The following TBC1D23 variants were observed in gnomAD, a reference collection of about 807,000 sequenced individuals.
TBC1D23 encodes the protein HCV non-structural protein 4A-transactivated protein 1.
TBC1D23 carries 55 observed loss-of-function variants against 91.4 expected under a neutral mutation model. The observed-to-expected ratio is 0.60, with a 90% CI of 0.48 to 0.75. The LOEUF (loss-of-function observed/expected upper bound fraction) is 0.75, where lower values mean the gene tolerates loss of function less well. Among genes scored for constraint, TBC1D23 ranks in the 30% least tolerant of loss-of-function variants. The probability of loss-of-function intolerance (pLI) is 0.00; values close to 1 mark genes in which losing one functional copy is unlikely to be tolerated. For missense variants in TBC1D23, 725 were observed against 836.1 expected (o/e 0.87, Z 1.64); for synonymous variants, 289 against 281.0 (o/e 1.03, Z -0.28).
chr3:100,294,791 A>G (rs1338844948), intron 5 of TBC1D23, among the ~76,000 whole-genome samples: 1 of 152,204 alleles, frequency 6.6e-6, no homozygotes, highest in Non-Finnish European at 1.5e-5. Flanking sequence ...TACTTTAGGT[A>G]TTCTTTTCAC....
intron 1 of TBC1D23, among the ~76,000 whole-genome samples, chr3:100,270,916 T>G (rs1576157777): frequency 6.6e-6 from 1 of 152,184 alleles, no homozygotes; most frequent in African/African-American, 2.4e-5. Flanking sequence ...ACTCTGCATT[T>G]AAGTGTAGAG....
rs1576193136 is a variant in TBC1D23, at chr3:100,325,106, C to T, written c.*1438C>T. 6.6e-6 allele frequency: 1 copy of T among 152,140 alleles called. No individual in the cohort carries two copies. The highest frequency in any genetic ancestry group is 2.4e-5 in the African/African-American group (1 of 41,432). The allele number at this position is 152,140 out of a possible 1,614,324, so 9.4% of individuals were successfully genotyped here. A position where few individuals can be genotyped will look rare whatever the true frequency, so the allele number is the denominator to read the frequency against. Reference sequence around the variant, plus strand: ...GCATTTTTTCCCTTTTCTTGGCACCCCTTTAGAAATGTACTGAAGTCTCAT... The same window carrying T: ...GCATTTTTTCCCTTTTCTTGGCACCTCTTTAGAAATGTACTGAAGTCTCAT... On this transcript the variant is annotated 3_prime_UTR_variant, in exon 19 of 19. Coordinates refer to ENST00000394144, the MANE Select transcript of TBC1D23 (RefSeq NM_001199198.3).
intron 16 of TBC1D23, among the ~76,000 whole-genome samples, chr3:100,316,556 T>C (rs542500466): frequency 1.1e-4 from 17 of 152,214 alleles, no homozygotes; most frequent in African/African-American, 3.4e-4. Context: ...AAACTGATGA[T>C]AATTTGGAGG....
chr3:100,302,296 T>C, intron 11 of TBC1D23, 59 bp downstream of exon 11: 2 of 1,383,836 alleles, frequency 1.4e-6, no homozygotes, highest in Non-Finnish European at 1.9e-6. Context: ...TTTAAAAAAT[T>C]TACATAGATA....
chr3:100,277,041 A>G (rs1427707633), intron 1 of TBC1D23, among the ~76,000 whole-genome samples: 1 of 152,210 alleles, frequency 6.6e-6, no homozygotes, highest in East Asian at 1.9e-4. Context: ...GCTGCTGGTA[A>G]TCAAAGAAGA....
At chr3:100,275,124 C>T (rs1399381777) in intron 1 of TBC1D23, among the ~76,000 whole-genome samples, 1 of 152,108 alleles carries the variant, frequency 6.6e-6, no homozygotes, top group African/African-American at 2.4e-5. Context: ...ATAGTGGCTG[C>T]GTCATTTTGC....
chr3:100,298,604 G>A (rs78919224), intron 9 of TBC1D23, among the ~76,000 whole-genome samples: 51 of 152,308 alleles, frequency 3.3e-4, no homozygotes, highest in East Asian at 1.7e-3. Context: ...AGGAATGGAC[G>A]TGGGAAAATA....
chr3:100,317,680 G>C (rs971116096), intron 16 of TBC1D23, among the ~76,000 whole-genome samples: 12 of 119,756 alleles, frequency 1.0e-4, no homozygotes, highest in African/African-American at 4.4e-4. Flanking sequence ...TCCCCTCTCT[G>C]TTGCCATCTC....
intron 1 of TBC1D23, chr3:100,261,560 A>G (rs2067510991): frequency 6.5e-6 from 1 of 153,552 alleles, no homozygotes; most frequent in African/African-American, 2.4e-5. Flanking sequence ...ACTTTTTTTT[A>G]TTCTGGCTGT....
At chr3:100,261,180 C>G in intron 1 of TBC1D23, 109 bp downstream of exon 1, 1 of 1,127,504 alleles carries the variant, frequency 8.9e-7, no homozygotes, top group Non-Finnish European at 1.3e-6. Flanking sequence ...AGAGGCCGGT[C>G]CTAGGCGAAG....
chr3:100,295,341 A>T lies in TBC1D23; in HGVS notation c.765A>T (p.Glu255Asp). The T allele has an allele frequency of 6.2e-7, 1 of 1,608,012 alleles. No homozygotes were observed. ...ILTQESDSKE[E>D]VIKFLENTPS... is the part of the protein sequence containing the mutation. ...CACAAGAGTCAGACAGCAAAGAAGA[A>T]GTTATCAGTAAGTATCATTTAATGT... The change falls in exon 7 of 19, where the codon GAA becomes GAT. Residue 255 changes from glutamate (E) to aspartate (D), a missense_variant. Physicochemically the swap from Glu to Asp is conservative, Grantham distance 45. Coordinates refer to ENST00000394144, the MANE Select transcript of TBC1D23 (RefSeq NM_001199198.3).
At chr3:100,288,656 C>G (rs1481874473) in intron 4 of TBC1D23, among the ~76,000 whole-genome samples, 1 of 152,154 alleles carries the variant, frequency 6.6e-6, no homozygotes, top group African/African-American at 2.4e-5. Context: ...ATTATGATGG[C>G]CTGTGCTTTG....
chr3:100,261,137 C>A, intron 1 of TBC1D23, 66 bp downstream of exon 1: 1 of 1,489,662 alleles, frequency 6.7e-7, no homozygotes, highest in African/African-American at 1.4e-5. Context: ...CTTGCCGGTC[C>A]CCGAGGAGCC....
At chr3:100,297,834 T>A (rs577868790) in intron 8 of TBC1D23, 89 bp from the exon 9 acceptor site, 10 of 1,141,254 alleles carry the variant, frequency 8.8e-6, no homozygotes. Context: ...TATTATAATT[T>A]TACCTTTTAT....
In TBC1D23 at chr3:100,283,825, C is replaced by A. The variant is rs778784881; in HGVS notation, c.476+14C>A. ...GTACATTCCCAGGTAAAATATGATT[C>A]AGTTATTGTAGTTTTTAAAAGTGAA... On this transcript the variant is annotated intron_variant, in intron 4 of 18. Transcript: ENST00000394144. The A allele has an allele frequency of 1.9e-6, 3 of 1,562,146 alleles. No homozygotes were observed. The highest frequency in any genetic ancestry group is 2.6e-6 in the Non-Finnish European group (3 of 1,134,364).
chr3:100,276,498 A>C (rs2067650044), intron 1 of TBC1D23, among the ~76,000 whole-genome samples: 2 of 152,188 alleles, frequency 1.3e-5, no homozygotes, highest in Non-Finnish European at 2.9e-5. Flanking sequence ...GTGCTTGAAA[A>C]TTCATGCTTC....
At chr3:100,279,254 C>G (rs1305747516) in intron 1 of TBC1D23, among the ~76,000 whole-genome samples, 1 of 152,110 alleles carries the variant, frequency 6.6e-6, no homozygotes, top group Non-Finnish European at 1.5e-5. Flanking sequence ...TGTAACCTAC[C>G]TCATAGGGAT....
intron 16 of TBC1D23, among the ~76,000 whole-genome samples, chr3:100,318,622 A>G (rs181164260): frequency 6.6e-6 from 1 of 151,916 alleles, no homozygotes; most frequent in East Asian, 1.9e-4. Context: ...ATAGAGTAGC[A>G]GGATTAGAAT....
chr3:100,261,190 G>C (rs2067507366), intron 1 of TBC1D23, 119 bp downstream of exon 1: 2 of 980,412 alleles, frequency 2.0e-6, no homozygotes, highest in South Asian at 2.8e-5. Flanking sequence ...CCTAGGCGAA[G>C]TCCGGTGCCC....
Sources: gnomAD v4.1 joint callset for allele counts (sites outside exome capture counted in the v4.1 genomes callset) on GRCh38, gnomAD v4.1.1 for gene constraint, MANE v1.5 for transcripts, NCBI Gene and HGNC (gene_info 2026-07-23, HGNC 2026-07-21) for gene names.